PDE4D: variants seen among roughly 807,000 people sequenced by gnomAD.
The protein encoded by PDE4D is phosphodiesterase 4D.
Under a neutral mutation model 87.4 loss-of-function variants are expected in PDE4D, and 24 were observed. The observed-to-expected ratio is 0.27, with a 90% confidence interval of 0.20 to 0.39. The LOEUF (loss-of-function observed/expected upper bound fraction) is 0.39. Among genes scored for constraint, PDE4D ranks in the 10% least tolerant of loss-of-function variants. The probability of loss-of-function intolerance (pLI) is 1.00; values close to 1 mark genes in which losing one functional copy is unlikely to be tolerated. For missense variants in PDE4D, 714 were observed against 1,041.0 expected (o/e 0.69, Z 4.32); for synonymous variants, 384 against 383.2 (o/e 1.00, Z -0.02).
At chr5:59,382,075 T>C (rs541356964) in intron 1 of PDE4D, among the ~76,000 whole-genome samples, 1 of 152,260 alleles carries the variant, frequency 6.6e-6, no homozygotes, top group South Asian at 2.1e-4. Flanking sequence ...ATTACATGCA[T>C]ATTCTTTCCT....
chr5:58,995,329 AATAC>A (rs1452019503), intron 6 of PDE4D, among the ~76,000 whole-genome samples: 2 of 152,112 alleles, frequency 1.3e-5, no homozygotes, highest in African/African-American at 4.8e-5. Flanking sequence ...CTTGTATGTG[AATAC>A]ATATTTTTAA....
chr5:59,650,843 A>G (rs1743336396), intron 1 of PDE4D, among the ~76,000 whole-genome samples: 1 of 152,190 alleles, frequency 6.6e-6, no homozygotes. Flanking sequence ...AAGCTGTGCA[A>G]TAGCTAAATA....
intron 2 of PDE4D, among the ~76,000 whole-genome samples, chr5:60,087,426 T>C (rs989916335): frequency 2.6e-5 from 4 of 151,912 alleles, no homozygotes; most frequent in Admixed American, 1.3e-4. Context: ...GAATGCAACA[T>C]CTCCAAAATG....
intron 1 of PDE4D, chr5:59,592,199 C>G (rs1826012570): frequency 2.2e-6 from 2 of 918,484 alleles, no homozygotes; most frequent in Non-Finnish European, 2.6e-6. Flanking sequence ...ACACCAAAAA[C>G]ATTGTTGGTA....
intron 2 of PDE4D, among the ~76,000 whole-genome samples, chr5:60,060,270 T>A (rs1179180495): frequency 6.6e-6 from 1 of 152,066 alleles, no homozygotes; most frequent in Non-Finnish European, 1.5e-5. Context: ...AAAAGGGAAT[T>A]TTTAAGTTAA....
At chr5:59,520,941 T>C (rs1393035688) in intron 1 of PDE4D, among the ~76,000 whole-genome samples, 1 of 152,034 alleles carries the variant, frequency 6.6e-6, no homozygotes. Flanking sequence ...TGTGTGTATA[T>C]ATATATAATG....
chr5:59,771,822 A>T (rs1208375198), intron 1 of PDE4D, among the ~76,000 whole-genome samples: 1 of 152,240 alleles, frequency 6.6e-6, no homozygotes, highest in African/African-American at 2.4e-5. Context: ...AGCATTCTGC[A>T]GATCTCCCAT....
chr5:59,886,495 C>T (rs553523309), intron 1 of PDE4D, among the ~76,000 whole-genome samples: 2 of 148,840 alleles, frequency 1.3e-5, no homozygotes, highest in South Asian at 2.1e-4. Context: ...CCAGCTCGGA[C>T]GATAAATAAA....
intron 1 of PDE4D, among the ~76,000 whole-genome samples, chr5:59,707,244 C>G (rs919300015): frequency 2.0e-5 from 3 of 151,892 alleles, no homozygotes; most frequent in African/African-American, 7.3e-5. Context: ...AATGGAAAAA[C>G]AGTGGATTGA....
At chr5:59,078,732 C>T (rs1561445233) in intron 5 of PDE4D, among the ~76,000 whole-genome samples, 2 of 152,002 alleles carry the variant, frequency 1.3e-5, no homozygotes, top group Admixed American at 1.3e-4. Context: ...GCAGGTTGGT[C>T]TCGAACTCCT....
In PDE4D at chr5:59,760,744, G is replaced by T. The variant is rs548885519; in HGVS notation, c.455+132424C>A. Among the ~76,000 whole-genome samples, 5 of 152,226 alleles carry T rather than the reference G, an allele frequency of 3.3e-5. 1 individual carries two copies. The South Asian group carries it at 1.0e-3, about 32-fold the overall frequency. ...TACCCATGAATATTAGTTTTTAATG[G>T]TTAATGTTTTCAAAGTAGCTTGAAA... On this transcript the variant is annotated intron_variant, in intron 1 of 14. Transcript: ENST00000340635.
At chr5:59,142,168 C>T (rs1405913557) in intron 5 of PDE4D, among the ~76,000 whole-genome samples, 4 of 152,166 alleles carry the variant, frequency 2.6e-5, no homozygotes, top group Non-Finnish European at 5.9e-5. Context: ...AATAGAGCCC[C>T]TAAATATCAA....
At chr5:59,530,299 T>C (rs1049604940) in intron 1 of PDE4D, among the ~76,000 whole-genome samples, 4 of 152,094 alleles carry the variant, frequency 2.6e-5, no homozygotes, top group African/African-American at 9.7e-5. Flanking sequence ...GACAGTTTTT[T>C]CCCCCAGGTA....
intron 2 of PDE4D, among the ~76,000 whole-genome samples, chr5:59,213,157 T>C (rs189581794): frequency 1.6e-4 from 23 of 143,878 alleles, no homozygotes; most frequent in African/African-American, 5.3e-4. Flanking sequence ...TTCTCCTCCT[T>C]CTTCTTTTTT....
At chr5:60,172,122 AT>A (rs1783506643) in intron 2 of PDE4D, among the ~76,000 whole-genome samples, 1 of 147,084 alleles carries the variant, frequency 6.8e-6, no homozygotes, top group Non-Finnish European at 1.5e-5. Context: ...ATTATATTAT[AT>A]ATATAATATA....
chr5:59,047,529 GA>G (rs1429528357), intron 5 of PDE4D, among the ~76,000 whole-genome samples: 1 of 152,196 alleles, frequency 6.6e-6, no homozygotes, highest in Non-Finnish European at 1.5e-5. Flanking sequence ...ATTACTCTGG[GA>G]ATAGTATAAA....
intron 1 of PDE4D, among the ~76,000 whole-genome samples, chr5:59,519,132 T>A (rs1052234921): frequency 6.6e-6 from 1 of 152,168 alleles, no homozygotes; most frequent in Non-Finnish European, 1.5e-5. Context: ...TTCCTCCTCT[T>A]CCCTTCTTCC....
At chr5:59,540,922 G>A (rs1816226716) in intron 1 of PDE4D, among the ~76,000 whole-genome samples, 1 of 152,082 alleles carries the variant, frequency 6.6e-6, no homozygotes, top group Non-Finnish European at 1.5e-5. Flanking sequence ...GGGCTTGGTG[G>A]TAGGATTATT....
intron 1 of PDE4D, among the ~76,000 whole-genome samples, chr5:59,261,725 A>T (rs1762036321): frequency 6.6e-6 from 1 of 151,820 alleles, no homozygotes; most frequent in South Asian, 2.1e-4. Context: ...TCAAAGGCTA[A>T]ATTCATTAAA....
Sources: allele counts gnomAD v4.1 joint callset (sites outside exome capture counted in the v4.1 genomes callset), GRCh38; gene constraint gnomAD v4.1.1; transcripts MANE v1.5; gene names NCBI Gene and HGNC (gene_info 2026-07-23, HGNC 2026-07-21).